The following DOCK2 variants were observed in gnomAD, a reference collection of about 807,000 sequenced individuals.
DOCK2 encodes the protein dedicator of cytokinesis protein 2.
DOCK2 carries 87 observed loss-of-function variants against 248.9 expected under a neutral mutation model. The observed-to-expected ratio is 0.35, with a 90% CI of 0.29 to 0.42. The LOEUF (loss-of-function observed/expected upper bound fraction) is 0.42. Among genes scored for constraint, DOCK2 ranks in the 10% least tolerant of loss-of-function variants. The pLI, the probability that DOCK2 is intolerant of heterozygous loss-of-function variation, is 1.00. For missense variants in DOCK2, 1,747 were observed against 2,300.2 expected (o/e 0.76, Z 4.92); for synonymous variants, 805 against 821.6 (o/e 0.98, Z 0.35).
chr5:169,682,919 T>G (rs1759749123), intron 7 of DOCK2, among the ~76,000 whole-genome samples: 1 of 152,206 alleles, frequency 6.6e-6, no homozygotes, highest in Non-Finnish European at 1.5e-5. Context: ...TGACTTTTAC[T>G]CAGCAAGATG....
At chr5:169,839,171 C>T (rs955266663) in intron 26 of DOCK2, among the ~76,000 whole-genome samples, 1 of 152,114 alleles carries the variant, frequency 6.6e-6, no homozygotes, top group Admixed American at 6.5e-5. Context: ...TTCCCAAACC[C>T]CCATCTCCAG....
chr5:169,921,455 G>C (rs550786797), intron 27 of DOCK2, among the ~76,000 whole-genome samples: 29 of 152,270 alleles, frequency 1.9e-4, no homozygotes, highest in African/African-American at 6.0e-4. Context: ...CTGTAATCAA[G>C]CCAAATTTTC....
intron 27 of DOCK2, among the ~76,000 whole-genome samples, chr5:169,893,272 T>G (rs1452836215): frequency 6.6e-6 from 1 of 152,154 alleles, no homozygotes; most frequent in Non-Finnish European, 1.5e-5. Context: ...ATCTGAAAGG[T>G]CACCTCCAGC....
intron 27 of DOCK2, among the ~76,000 whole-genome samples, chr5:169,901,880 C>T (rs1446910440): frequency 6.6e-6 from 1 of 152,216 alleles, no homozygotes; most frequent in African/African-American, 2.4e-5. Flanking sequence ...GCTACCCCTT[C>T]CTCTGCATGG....
chr5:169,949,678 A>G (rs1198977288), intron 27 of DOCK2, among the ~76,000 whole-genome samples: 1 of 142,754 alleles, frequency 7.0e-6, no homozygotes, highest in Non-Finnish European at 1.5e-5. Context: ...AGCATGTTCA[A>G]TGTGATCTTT....
intron 9 of DOCK2, 142 bp downstream of exon 9, chr5:169,689,475 G>A: frequency 1.2e-6 from 1 of 814,688 alleles, no homozygotes. Flanking sequence ...ATCCAAAGCT[G>A]ACAAAGGACA....
intron 27 of DOCK2, among the ~76,000 whole-genome samples, chr5:169,888,161 C>T (rs140553060): frequency 5.3e-5 from 8 of 152,282 alleles, no homozygotes; most frequent in Non-Finnish European, 1.0e-4. Flanking sequence ...TATTTTGTGT[C>T]GGAACTCTCC....
intron 7 of DOCK2, 125 bp downstream of exon 7, chr5:169,682,004 G>T: frequency 2.3e-6 from 3 of 1,327,774 alleles, no homozygotes; most frequent in South Asian, 3.5e-5. Context: ...GACCTGAGAT[G>T]ATCAGCAACC....
intron 22 of DOCK2, among the ~76,000 whole-genome samples, chr5:169,732,928 C>T (rs766126188): frequency 2.6e-5 from 4 of 152,090 alleles, no homozygotes; most frequent in Non-Finnish European, 4.4e-5. Context: ...TCTTACTGTA[C>T]GGGCTAGGAG....
At chr5:169,920,105 C>G (rs1197168361) in intron 27 of DOCK2, among the ~76,000 whole-genome samples, 1 of 152,068 alleles carries the variant, frequency 6.6e-6, no homozygotes, top group Admixed American at 6.6e-5. Context: ...TAAAGAAACA[C>G]CAAGAGATTG....
chr5:169,862,823 G>A (rs1401502578), intron 27 of DOCK2, among the ~76,000 whole-genome samples: 2 of 152,178 alleles, frequency 1.3e-5, no homozygotes, highest in Non-Finnish European at 2.9e-5. Flanking sequence ...ATTTGCAGTG[G>A]GGTAGGTACA....
At chr5:169,670,515 T>G in intron 3 of DOCK2, 27 bp from the exon 4 acceptor site, 1 of 1,598,650 alleles carries the variant, frequency 6.3e-7, no homozygotes. Flanking sequence ...TATTTTATTT[T>G]GTTTTGTTTT....
rs142568885 is a variant in DOCK2 at position 169,689,884 on chromosome 5, G to A, written c.843+551G>A. Among the ~76,000 whole-genome samples, 4 of 152,300 alleles carry A rather than the reference G, an allele frequency of 2.6e-5. No homozygotes were observed. In the East Asian group the frequency reaches 7.7e-4, roughly 29 times the overall value. ...AATACTCACTGAGCAAGACATGTACGTAGAAATGTTGAAATCGATTGTTAT... is the reference window on the plus strand; with the variant it reads ...AATACTCACTGAGCAAGACATGTACATAGAAATGTTGAAATCGATTGTTAT... On this transcript the variant is annotated intron_variant, in intron 9 of 51. Transcript: ENST00000520908.
intron 26 of DOCK2, among the ~76,000 whole-genome samples, chr5:169,806,097 G>A (rs1767336363): frequency 1.3e-5 from 2 of 151,978 alleles, no homozygotes; most frequent in Non-Finnish European, 2.9e-5. Context: ...GCATTCAGTA[G>A]CCATGATTAC....
intron 26 of DOCK2, among the ~76,000 whole-genome samples, chr5:169,835,456 T>C (rs1358734863): frequency 2.0e-5 from 3 of 152,004 alleles, no homozygotes; most frequent in African/African-American, 4.8e-5. Context: ...GGTTTCACCA[T>C]GTTGGCCAGG....
At chr5:169,938,377 C>T (rs910349834) in intron 27 of DOCK2, among the ~76,000 whole-genome samples, 2 of 152,112 alleles carry the variant, frequency 1.3e-5, no homozygotes, top group African/African-American at 4.8e-5. Flanking sequence ...TGTACTCACA[C>T]GAAGCTAGAT....
chr5:169,749,352 C>T (rs1763780697), intron 23 of DOCK2, among the ~76,000 whole-genome samples: 1 of 152,108 alleles, frequency 6.6e-6, no homozygotes, highest in African/African-American at 2.4e-5. Flanking sequence ...AACACAGCTA[C>T]CCGGACAAGA....
intron 15 of DOCK2, 42 bp downstream of exon 15, chr5:169,708,309 C>A: frequency 1.3e-6 from 2 of 1,568,308 alleles, no homozygotes; most frequent in Non-Finnish European, 1.7e-6. Context: ...CTAGTTCTTA[C>A]CATGAACCAG....
intron 27 of DOCK2, among the ~76,000 whole-genome samples, chr5:169,952,943 G>A (rs1394429764): frequency 6.6e-6 from 1 of 152,198 alleles, no homozygotes; most frequent in Non-Finnish European, 1.5e-5. Context: ...ACAGTAGGTT[G>A]ATTGTGGTAA....
Sources: allele counts gnomAD v4.1 joint callset (sites outside exome capture counted in the v4.1 genomes callset), GRCh38; gene constraint gnomAD v4.1.1; transcripts MANE v1.5; gene names NCBI Gene and HGNC (gene_info 2026-07-23, HGNC 2026-07-21).